The following FLRT1 variants were observed in gnomAD, a reference collection of about 807,000 sequenced individuals.
FLRT1 encodes the protein fibronectin leucine rich transmembrane protein 1.
In FLRT1, 14 loss-of-function variants were observed where a neutral mutation model predicts 30.9. That is an observed-to-expected ratio of 0.45 (90% CI 0.30 to 0.71). The LOEUF is 0.71. Among genes scored for constraint, FLRT1 ranks in the 30% least tolerant of loss-of-function variants. The probability of loss-of-function intolerance (pLI) is 0.08; values close to 1 mark genes in which losing one functional copy is unlikely to be tolerated. For synonymous variants in FLRT1, 368 were observed against 430.4 expected, an observed-to-expected ratio of 0.85 and a Z score of 1.80; for missense variants, 737 against 949.2, an observed-to-expected ratio of 0.78 and a Z score of 2.94.
At chr11:64,059,322 G>A (rs747095924) in intron 1 of FLRT1, among the ~76,000 whole-genome samples, 19 of 152,206 alleles carry the variant, frequency 1.2e-4, no homozygotes, top group South Asian at 2.1e-4. Flanking sequence ...AGGTGGATGC[G>A]TGTAGCCACC....
chr11:64,086,415 C>T (rs901629568), intron 1 of FLRT1, among the ~76,000 whole-genome samples: 2 of 152,010 alleles, frequency 1.3e-5, no homozygotes, highest in Non-Finnish European at 2.9e-5. Context: ...CATTCCCTCC[C>T]CACCCCCAGC....
At chr11:64,079,237 G>A (rs191019923) in intron 1 of FLRT1, among the ~76,000 whole-genome samples, 3 of 152,044 alleles carry the variant, frequency 2.0e-5, no homozygotes, top group Non-Finnish European at 4.4e-5. Context: ...TTCCTGCTCT[G>A]GCATGTGGCT....
intron 1 of FLRT1, among the ~76,000 whole-genome samples, chr11:64,044,865 G>A (rs1021184168): frequency 6.6e-6 from 1 of 152,178 alleles, no homozygotes; most frequent in Non-Finnish European, 1.5e-5. Flanking sequence ...TCCCTGCCTG[G>A]ATTCTGCCTT....
intron 2 of FLRT1, 120 bp from the exon 3 acceptor site, chr11:64,116,099 C>A: frequency 9.6e-7 from 1 of 1,037,710 alleles, no homozygotes; most frequent in Non-Finnish European, 1.4e-6. Flanking sequence ...CCTCACCCCG[C>A]AGGACCGGAC....
intron 1 of FLRT1, among the ~76,000 whole-genome samples, chr11:64,086,655 A>G (rs559997452): frequency 2.0e-5 from 3 of 152,208 alleles, no homozygotes; most frequent in African/African-American, 7.2e-5. Flanking sequence ...ACTCCTATTC[A>G]TGCTCCAGGG....
intron 1 of FLRT1, among the ~76,000 whole-genome samples, chr11:64,093,890 T>TG: frequency 6.6e-6 from 1 of 152,178 alleles, no homozygotes; most frequent in Non-Finnish European, 1.5e-5. Context: ...AACCAGAAGC[T>TG]GGGGGCAAGG....
In FLRT1 at chr11:64,047,639, G is replaced by A. The variant is rs150682126; in HGVS notation, c.-1038+11480G>A. Among the ~76,000 whole-genome samples the A allele has an allele frequency of 3.5e-3, 526 of 152,238 alleles. 5 individuals are homozygous for A. The highest frequency in any genetic ancestry group is 0.012 in the African/African-American group (513 of 41,534). On this transcript the variant is annotated intron_variant, in intron 1 of 2. Coordinates refer to ENST00000682287, the MANE Select transcript of FLRT1 (RefSeq NM_013280.5). ...AGGCCGGGCGCGGTGGCTTATGCTT[G>A]TAATCCCAGCACTTTGGGAGCCTGA...
intron 2 of FLRT1, among the ~76,000 whole-genome samples, chr11:64,112,488 T>C (rs1471548701): frequency 6.6e-6 from 1 of 152,144 alleles, no homozygotes; most frequent in African/African-American, 2.4e-5. Flanking sequence ...CACTCCCACC[T>C]GGTGACAGGG....
chr11:64,107,434 T>A (rs900999415), intron 2 of FLRT1, among the ~76,000 whole-genome samples: 2 of 152,294 alleles, frequency 1.3e-5, no homozygotes, highest in East Asian at 1.9e-4. Flanking sequence ...CCTGTTTTTT[T>A]AAAAGCGATT....
intron 1 of FLRT1, among the ~76,000 whole-genome samples, chr11:64,046,016 A>C (rs1230770103): frequency 6.6e-6 from 1 of 152,126 alleles, no homozygotes; most frequent in Non-Finnish European, 1.5e-5. Flanking sequence ...ACTGTATCTC[A>C]TTTAATCCCC....
chr11:64,049,060 C>G (rs2134407154), intron 1 of FLRT1, among the ~76,000 whole-genome samples: 1 of 139,272 alleles, frequency 7.2e-6, no homozygotes, highest in South Asian at 2.3e-4. Context: ...CATATTTGTC[C>G]TTCAGGGGGT....
rs1315334759 is a variant in FLRT1 at position 64,036,713 on chromosome 11, C to T, written c.-1038+554C>T. 6.6e-6 allele frequency among the ~76,000 whole-genome samples: 1 copy of T among 152,016 alleles called. No homozygotes were observed. Among genetic ancestry groups the T allele is most frequent in the Non-Finnish European group, 1.5e-5 (1 of 67,984 alleles). Reference sequence around the variant, plus strand: ...AGCCTCCAACTTCCCTCCCTGTGCGCGCTGTGGACCGTCAGCCCTGAGCCG... The same window carrying T: ...AGCCTCCAACTTCCCTCCCTGTGCGTGCTGTGGACCGTCAGCCCTGAGCCG... On this transcript the variant is annotated intron_variant, in intron 1 of 2. Coordinates refer to ENST00000682287, the MANE Select transcript of FLRT1 (RefSeq NM_013280.5). This position sits in a 1 kb window ranked among gnomAD's most constrained non-coding sequence, Gnocchi z 5.6.
chr11:64,069,099 A>G lies in FLRT1; in HGVS notation c.-1038+32940A>G, dbSNP rs1224945034. ...GGGGCAGGAGAAGGAGCCCTGGAGA[A>G]CCAGTTAGGGGTGTGAGGGTGACGG... On this transcript the variant is annotated intron_variant, in intron 1 of 2. Transcript: ENST00000682287. Among the ~76,000 whole-genome samples the G allele has an allele frequency of 3.9e-5, 6 of 152,084 alleles. No individual in the cohort carries two copies. The South Asian group carries it at 8.3e-4, about 21-fold the overall frequency.
rs1205299851 is a variant in FLRT1, at chr11:64,036,077, C to G, written c.-1120C>G. 2 of 151,632 alleles carry G rather than the reference C, an allele frequency of 1.3e-5. No individual in the cohort carries two copies. The highest frequency in any genetic ancestry group is 4.8e-5 in the African/African-American group (2 of 41,306). The allele number at this position is 151,632 out of a possible 1,614,324, so 9.4% of individuals were successfully genotyped here. ...GGGCGCCCTCCGGCTCTGGTTCCCGCCCGCTCCTTGGAATAACCCCTGAGG... is the reference window on the plus strand; with the variant it reads ...GGGCGCCCTCCGGCTCTGGTTCCCGGCCGCTCCTTGGAATAACCCCTGAGG... On this transcript the variant is annotated 5_prime_UTR_variant, in exon 1 of 3. Coordinates refer to ENST00000682287, the MANE Select transcript of FLRT1 (RefSeq NM_013280.5). The surrounding 1 kb of genome is among the most constrained non-coding windows in gnomAD (Gnocchi z 5.6).
intron 1 of FLRT1, among the ~76,000 whole-genome samples, chr11:64,044,007 G>C (rs1326784175): frequency 6.6e-6 from 1 of 152,016 alleles, no homozygotes; most frequent in East Asian, 1.9e-4. Context: ...TAGAGACGGG[G>C]ATTCACCATG....
chr11:64,094,572 T>C (rs1478005194), intron 1 of FLRT1, among the ~76,000 whole-genome samples: 1 of 152,110 alleles, frequency 6.6e-6, no homozygotes, highest in Non-Finnish European at 1.5e-5. Flanking sequence ...GAGTCATCCA[T>C]CCCTGCCCCT....
At chr11:64,086,306 C>G (rs997439550) in intron 1 of FLRT1, among the ~76,000 whole-genome samples, 1 of 152,032 alleles carries the variant, frequency 6.6e-6, no homozygotes, top group African/African-American at 2.4e-5. Context: ...AAAGTGCATA[C>G]CGGCACCTGC....
In FLRT1 at chr11:64,036,912, T is replaced by C. The variant is rs1346428189; in HGVS notation, c.-1038+753T>C. ...GACCCCGGGGAGGAAGGCTGGGGAG[T>C]GTTGTCGCCCAGCTGCAGGGAACCG... On this transcript the variant is annotated intron_variant, in intron 1 of 2. Coordinates refer to ENST00000682287, the MANE Select transcript of FLRT1 (RefSeq NM_013280.5). This position sits in a 1 kb window ranked among gnomAD's most constrained non-coding sequence, Gnocchi z 5.6. 4.0e-5 allele frequency among the ~76,000 whole-genome samples: 6 copies of C among 151,252 alleles called. No individual in the cohort carries two copies. The highest frequency in any genetic ancestry group is 3.3e-4 in the Admixed American group (5 of 15,222).
At chr11:64,094,559 CCT>C (rs1196146190) in intron 1 of FLRT1, among the ~76,000 whole-genome samples, 1 of 152,162 alleles carries the variant, frequency 6.6e-6, no homozygotes, top group Admixed American at 6.5e-5. Context: ...GTGAAGGCCT[CCT>C]GAGTCATCCA....
Sources: allele counts gnomAD v4.1 joint callset (sites outside exome capture counted in the v4.1 genomes callset), GRCh38; gene constraint gnomAD v4.1.1; non-coding constraint Gnocchi (gnomAD v3.1); transcripts MANE v1.5; gene names NCBI Gene and HGNC (gene_info 2026-07-23, HGNC 2026-07-21).